Variants in GRIA3 observed in about 807,000 individuals in gnomAD.
GRIA3 encodes the protein glutamate receptor 3.
In GRIA3, 3 loss-of-function variants were observed where a neutral mutation model predicts 63.0. That is an observed-to-expected ratio of 0.05 (90% CI 0.02 to 0.12). The LOEUF (loss-of-function observed/expected upper bound fraction) is 0.12, where lower values mean the gene tolerates loss of function less well. Ranked by LOEUF, GRIA3 falls within the 10% of genes least tolerant of loss-of-function variation. The pLI, the probability that GRIA3 is intolerant of heterozygous loss-of-function variation, is 1.00. For synonymous variants in GRIA3, 274 were observed against 257.9 expected, an observed-to-expected ratio of 1.06 and a Z score of -0.60; for missense variants, 347 against 700.9, an observed-to-expected ratio of 0.50 and a Z score of 5.70.
intron 5 of GRIA3, among the ~76,000 whole-genome samples, chrX:123,373,249 T>C (rs1473337567): frequency 1.8e-5 from 2 of 111,796 alleles, no homozygotes; most frequent in African/African-American, 6.5e-5. Flanking sequence ...CCACATTTTC[T>C]TAATCCAGTC....
intron 2 of GRIA3, chrX:123,202,839 T>C: frequency 9.5e-7 from 1 of 1,047,484 alleles, no homozygotes; most frequent in South Asian, 2.1e-5. Flanking sequence ...AGAATCTTGT[T>C]CACCAATTCC....
rs191958751 is a variant in GRIA3, at chrX:123,323,334, T to C, written c.509-2692T>C. On this transcript the variant is annotated intron_variant, in intron 3 of 15. Coordinates refer to ENST00000620443, the MANE Select transcript of GRIA3 (RefSeq NM_007325.5). Reference sequence around the variant, plus strand: ...ATTATCCAATATATTATATATACTGTACAAATCTTTTCTTGTTAGTATATA... The same window carrying C: ...ATTATCCAATATATTATATATACTGCACAAATCTTTTCTTGTTAGTATATA... Among the ~76,000 whole-genome samples the C allele has an allele frequency of 3.4e-3, 383 of 112,207 alleles. 5 individuals are homozygous for C. The highest frequency in any genetic ancestry group is 0.032 in the Admixed American group (341 of 10,561).
At chrX:123,252,080 C>G (rs1220190434) in intron 2 of GRIA3, among the ~76,000 whole-genome samples, 1 of 111,998 alleles carries the variant, frequency 8.9e-6, no homozygotes, top group Non-Finnish European at 1.9e-5. Flanking sequence ...TGTTTCTCCT[C>G]TCAGGGAGGA....
chrX:123,417,631 G>A lies in GRIA3; in HGVS notation c.1730G>A (p.Ser577Asn). 2 of 1,198,508 alleles carry A rather than the reference G, an allele frequency of 1.7e-6. No homozygotes were observed. The highest frequency in any genetic ancestry group is 1.1e-6 in the Non-Finnish European group (1 of 888,093). Residue 577 changes from serine to asparagine, a missense_variant, in exon 11 of 16, where the codon AGT becomes AAT. Physicochemically the swap from Ser to Asn is conservative, Grantham distance 46. Around this residue, in one of 8 missense-constraint regions of GRIA3, gnomAD observed 19 missense variants for 30.9 expected, o/e 0.61. Transcript: ENST00000620443. Reference protein sequence around the residue: ...SVVLFLVSRFSPYEWHLEDNN... With the variant: ...SVVLFLVSRFNPYEWHLEDNN... ...GTTCTTTTCCTAGTCAGCAGGTTCA[G>A]TCCTTATGAATGGCACTTGGAAGAC...
At chrX:123,240,550 T>A (rs1271293509) in intron 2 of GRIA3, among the ~76,000 whole-genome samples, 1 of 111,767 alleles carries the variant, frequency 8.9e-6, no homozygotes, top group Non-Finnish European at 1.9e-5. Context: ...ACAATTGCTT[T>A]AAAGTCTTCT....
At chrX:123,217,572 T>C (rs1177060130) in intron 2 of GRIA3, among the ~76,000 whole-genome samples, 1 of 112,123 alleles carries the variant, frequency 8.9e-6, no homozygotes, top group Non-Finnish European at 1.9e-5. Flanking sequence ...TTTCATGTCT[T>C]GTTTCCTCAG....
intron 2 of GRIA3, among the ~76,000 whole-genome samples, chrX:123,194,420 G>A (rs1432716207): frequency 9.0e-6 from 1 of 111,344 alleles, no homozygotes; most frequent in Non-Finnish European, 1.9e-5. Context: ...CTCACAGAGG[G>A]GTAAGTGTAT....
At chrX:123,360,519 T>TA (rs752270406) in intron 5 of GRIA3, among the ~76,000 whole-genome samples, 1,031 of 42,329 alleles carry the variant, frequency 0.024, 15 homozygotes, top group Non-Finnish European at 0.034. Flanking sequence ...TGTCTCTACT[T>TA]AAAAAAAAAA....
At chrX:123,288,288 T>G (rs1201921254) in intron 3 of GRIA3, among the ~76,000 whole-genome samples, 1 of 103,219 alleles carries the variant, frequency 9.7e-6, no homozygotes, top group South Asian at 4.6e-4. Flanking sequence ...TAGACTTAAA[T>G]GTAAGACCTA....
chrX:123,225,861 G>T (rs1569402815), intron 2 of GRIA3, among the ~76,000 whole-genome samples: 1 of 109,991 alleles, frequency 9.1e-6, no homozygotes, highest in Non-Finnish European at 1.9e-5. Context: ...TTAAATTAAT[G>T]GTATTTCTGA....
At chrX:123,332,957 A>C (rs182817680) in intron 4 of GRIA3, among the ~76,000 whole-genome samples, 12 of 111,135 alleles carry the variant, frequency 1.1e-4, no homozygotes, top group Admixed American at 9.6e-4. Flanking sequence ...TCCGCCACTA[A>C]ATAGTAGTGG....
chrX:123,201,103 T>C (rs1183838560), intron 2 of GRIA3, among the ~76,000 whole-genome samples: 1 of 112,208 alleles, frequency 8.9e-6, no homozygotes, highest in Non-Finnish European at 1.9e-5. Context: ...TCAACAAAGA[T>C]TAGTTGCCAT....
chrX:123,219,470 G>A (rs1300133382), intron 2 of GRIA3, among the ~76,000 whole-genome samples: 1 of 112,095 alleles, frequency 8.9e-6, no homozygotes, highest in Non-Finnish European at 1.9e-5. Context: ...TATATGGGAA[G>A]GGCAATACCA....
intron 3 of GRIA3, among the ~76,000 whole-genome samples, chrX:123,274,298 C>T (rs771283523): frequency 1.9e-4 from 21 of 112,137 alleles, no homozygotes; most frequent in Non-Finnish European, 3.2e-4. Flanking sequence ...TGTTCCGCTG[C>T]GCATAACCAT....
Position 123,489,166 on chromosome X carries a change from T to A in GRIA3, c.*456T>A, listed in dbSNP as rs1438476842. On this transcript the variant is annotated 3_prime_UTR_variant, in exon 16 of 16. Coordinates refer to ENST00000620443, the MANE Select transcript of GRIA3 (RefSeq NM_007325.5). ...GGCCCATCTAAGCTAAAAAAATTAA[T>A]TCTTCCTGATTAAAAAGAAAAAATC... 1 of 110,325 alleles carries A rather than the reference T, an allele frequency of 9.1e-6. No homozygotes were observed. The highest frequency in any genetic ancestry group is 1.9e-5 in the Non-Finnish European group (1 of 52,783). The allele number at this position is 110,325 out of a possible 1,213,427, so 9.1% of individuals were successfully genotyped here.
intron 13 of GRIA3, among the ~76,000 whole-genome samples, chrX:123,473,094 C>T (rs1237085216): frequency 8.9e-6 from 1 of 112,289 alleles, no homozygotes; most frequent in Non-Finnish European, 1.9e-5. Flanking sequence ...GTAATGCCAG[C>T]AGCCATATAT....
intron 13 of GRIA3, among the ~76,000 whole-genome samples, chrX:123,468,714 C>CAGTA (rs2147436785): frequency 8.9e-6 from 1 of 112,337 alleles, no homozygotes; most frequent in Admixed American, 9.4e-5. Flanking sequence ...TCTGTTCCTC[C>CAGTA]AAATCAGTGA....
At chrX:123,319,816 GAAA>G (rs35660016) in intron 3 of GRIA3, among the ~76,000 whole-genome samples, 3 of 70,302 alleles carry the variant, frequency 4.3e-5, no homozygotes, top group African/African-American at 1.1e-4. Context: ...AACACCTCAG[GAAA>G]AAAAAAAAAA....
chrX:123,350,278 C>T (rs2045085187), intron 4 of GRIA3, among the ~76,000 whole-genome samples: 1 of 107,146 alleles, frequency 9.3e-6, no homozygotes, highest in African/African-American at 3.4e-5. Flanking sequence ...AAAGCAAGAT[C>T]AATCTTTATA....
Sources: allele counts gnomAD v4.1 joint callset (sites outside exome capture counted in the v4.1 genomes callset), GRCh38; gene constraint gnomAD v4.1.1; regional missense constraint gnomAD v4.1.1; transcripts MANE v1.5; gene names NCBI Gene and HGNC (gene_info 2026-07-23, HGNC 2026-07-21).